The following CCN6 variants were observed in gnomAD, a reference collection of about 807,000 sequenced individuals.
CCN6 encodes CCN family member 6.
CCN6 carries 31 observed loss-of-function variants against 37.4 expected under a neutral mutation model. The ratio of observed to expected loss-of-function variants is 0.83; its 90% CI spans 0.62 to 1.12. CCN6 has a LOEUF of 1.12. CCN6 is among the 50% of genes most tolerant of loss of function. The pLI is 0.00. For synonymous variants in CCN6, 137 were observed against 142.1 expected (o/e 0.96, Z 0.26); for missense variants, 369 against 413.8 (o/e 0.89, Z 0.94).
At chr6:112,053,735 G>A (rs1776265419), upstream of CCN6, among the ~76,000 whole-genome samples, 1 of 152,052 alleles carries the variant, frequency 6.6e-6, no homozygotes, top group Non-Finnish European at 1.5e-5. Flanking sequence ...AAGGTGTTGG[G>A]ATAAAGGTGA....
chr6:112,068,262 G>A lies in CCN6; in HGVS notation c.647G>A (p.Trp216Ter), dbSNP rs1776759288. The A allele has an allele frequency of 6.2e-7, 1 of 1,610,610 alleles. No individual in the cohort carries two copies. Among genetic ancestry groups the A allele is most frequent in the South Asian group, 1.1e-5 (1 of 90,056 alleles). The change falls in exon 4 of 5, where the codon TGG (tryptophan) becomes TAG (stop). Residue 216 changes from tryptophan to a stop codon, truncating the protein, a stop_gained. Transcript: ENST00000368666. LOFTEE classifies it high-confidence loss of function. The part of the protein sequence containing the change: ...KKKCLVQATK[W>*]TPCSRTCGMG... ...AAATGTCTTGTGCAAGCAACAAAAT[G>A]GACTCCCTGCTCCAGAACATGTGGG...
Position 112,059,229 on chromosome 6 carries a change from T to C in CCN6, c.49-1762T>C, listed in dbSNP as rs199999822. On this transcript the variant is annotated intron_variant, in intron 1 of 4. Coordinates refer to ENST00000368666, the MANE Select transcript of CCN6 (RefSeq NM_198239.2). ...TAATTTGAGTCTCAGGGTCCTCATTTACAAAATGGAGTATACAGTTTCCTA... is the reference window on the plus strand; with the variant it reads ...TAATTTGAGTCTCAGGGTCCTCATTCACAAAATGGAGTATACAGTTTCCTA... Among the ~76,000 whole-genome samples, 14 of 152,326 alleles carry C rather than the reference T, an allele frequency of 9.2e-5. No homozygotes were observed. The East Asian group carries it at 1.9e-3, about 21-fold the overall frequency.
At chr6:112,052,863 G>A (rs1323898013), upstream of CCN6, among the ~76,000 whole-genome samples, 3 of 152,078 alleles carry the variant, frequency 2.0e-5, no homozygotes, top group African/African-American at 7.2e-5. Flanking sequence ...GCAGGTTTTA[G>A]GGTGTCCATG....
At chr6:112,061,337 A>AT (rs782025803) in intron 2 of CCN6, 49 bp downstream of exon 2, 79 of 1,608,850 alleles carry the variant, frequency 4.9e-5, no homozygotes, top group Middle Eastern at 1.7e-4. Flanking sequence ...TCTAGACAGA[A>AT]TTTTTTTTTC....
chr6:112,069,124 T>C (rs1489489519), intron 4 of CCN6, among the ~76,000 whole-genome samples: 2 of 152,098 alleles, frequency 1.3e-5, no homozygotes, highest in African/African-American at 2.4e-5. Flanking sequence ...GCAAAAAACA[T>C]TGAGGAGTAC....
At chr6:112,066,121 A>C (rs1554313925) in intron 3 of CCN6, among the ~76,000 whole-genome samples, 2 of 152,220 alleles carry the variant, frequency 1.3e-5, no homozygotes, top group African/African-American at 4.8e-5. Context: ...CTATGAAAGG[A>C]ACATCCTCAG....
At chr6:112,056,698 GT>G (rs1776357898) in intron 1 of CCN6, among the ~76,000 whole-genome samples, 1 of 152,122 alleles carries the variant, frequency 6.6e-6, no homozygotes, top group African/African-American at 2.4e-5. Flanking sequence ...TGTATTTTTA[GT>G]AGAGATGGGG....
At chr6:112,058,658 C>T (rs1419105886) in intron 1 of CCN6, among the ~76,000 whole-genome samples, 7 of 152,216 alleles carry the variant, frequency 4.6e-5, no homozygotes, top group Non-Finnish European at 8.8e-5. Context: ...GGAGCTGGGT[C>T]TGGGCAGAAT....
In CCN6 at chr6:112,064,803, G is replaced by A. The variant is rs1554313566; in HGVS notation, c.395G>A (p.Gly132Asp). The A allele has an allele frequency of 1.2e-6, 2 of 1,613,974 alleles. No homozygotes were observed. The highest frequency in any genetic ancestry group is 2.2e-5 in the South Asian group (2 of 91,080). ...CEFNQVHYHN[G>D]QVFQPNPLFS... The stretch of plus-strand genomic sequence containing the variant: ...TTCAACCAGGTACATTATCATAATG[G>A]CCAAGTGTTTCAGCCCAACCCCTTG... The change falls in exon 3 of 5, where the codon GGC (glycine) becomes GAC (aspartate). Residue 132 changes from glycine (G) to aspartate (D), a missense_variant. Gly to Asp is a moderately conservative substitution (Grantham distance 94, BLOSUM62 -1). Coordinates refer to ENST00000368666, the MANE Select transcript of CCN6 (RefSeq NM_198239.2).
intron 1 of CCN6, among the ~76,000 whole-genome samples, chr6:112,059,388 G>A (rs919242113): frequency 6.6e-6 from 1 of 152,144 alleles, no homozygotes; most frequent in Non-Finnish European, 1.5e-5. Flanking sequence ...CCCTTCTGGA[G>A]GTGGCAGGGG....
Position 112,061,157 on chromosome 6 carries a change from G to A in CCN6, c.215G>A (p.Cys72Tyr), listed in dbSNP as rs782120511. The change falls in exon 2 of 5, where the codon TGT (cysteine) becomes TAT (tyrosine). Residue 72 changes from cysteine (C) to tyrosine (Y), a missense_variant. Transcript: ENST00000368666. ...PPGVSLVRDGCGCCKICAKQP... is the reference protein window; with the variant it reads ...PPGVSLVRDGYGCCKICAKQP... ...GGAGTGAGCCTGGTGAGAGATGGCT[G>A]TGGATGCTGTAAAATCTGTGCCAAG... 6.2e-7 allele frequency: 1 copy of A among 1,614,186 alleles called. No individual in the cohort carries two copies. The highest frequency in any genetic ancestry group is 1.1e-5 in the South Asian group (1 of 91,084).
At chr6:112,061,507 G>A in intron 2 of CCN6, 1 of 602,112 alleles carries the variant, frequency 1.7e-6, no homozygotes, top group South Asian at 2.1e-5. Context: ...TTGCACTGAG[G>A]TGATTTTGCA....
intron 1 of CCN6, chr6:112,060,092 G>T: frequency 7.3e-7 from 1 of 1,363,436 alleles, no homozygotes; most frequent in Non-Finnish European, 9.8e-7. Context: ...GCAGCAAGGG[G>T]GTGAGTGGCA....
rs781800508 is a variant in CCN6, at chr6:112,068,289, T to C, written c.674T>C (p.Met225Thr). The C allele has an allele frequency of 6.2e-7, 1 of 1,613,006 alleles. No homozygotes were observed. The highest frequency in any genetic ancestry group is 8.5e-7 in the Non-Finnish European group (1 of 1,179,592). The change falls in exon 4 of 5, where the codon ATG becomes ACG. Residue 225 changes from methionine (M) to threonine (T), a missense_variant. Transcript: ENST00000368666. ...ACTCCCTGCTCCAGAACATGTGGGA[T>C]GGGAATATCTAACAGGGTGACCAAT... The part of the protein sequence containing the change: ...KWTPCSRTCG[M>T]GISNRVTNEN...
intron 1 of CCN6, among the ~76,000 whole-genome samples, chr6:112,056,783 C>A (rs1015850323): frequency 1.3e-5 from 2 of 152,160 alleles, no homozygotes; most frequent in Non-Finnish European, 2.9e-5. Flanking sequence ...TCCCAAAGTG[C>A]TGGGATTACA....
upstream of CCN6, among the ~76,000 whole-genome samples, chr6:112,052,929 C>T (rs1167350616): frequency 6.6e-6 from 1 of 152,200 alleles, no homozygotes; most frequent in African/African-American, 2.4e-5. Context: ...TTTTCCCAGG[C>T]CCTCAGCTCA....
intron 3 of CCN6, chr6:112,066,929 C>A: frequency 1.5e-6 from 2 of 1,351,244 alleles, no homozygotes; most frequent in Non-Finnish European, 2.0e-6. Context: ...AGTGGGATTA[C>A]TGGTAACACG....
intron 1 of CCN6, among the ~76,000 whole-genome samples, chr6:112,055,134 G>A (rs1776308797): frequency 6.6e-6 from 1 of 152,234 alleles, no homozygotes; most frequent in Non-Finnish European, 1.5e-5. Flanking sequence ...AAACATGGGT[G>A]TGTCTGTGAG....
intron 1 of CCN6, among the ~76,000 whole-genome samples, chr6:112,060,641 T>G (rs1554312596): frequency 6.6e-6 from 1 of 151,898 alleles, no homozygotes; most frequent in Non-Finnish European, 1.5e-5. Flanking sequence ...GGGGTATGAG[T>G]TGGAGATAAG....
Sources: allele counts gnomAD v4.1 joint callset (sites outside exome capture counted in the v4.1 genomes callset), GRCh38; gene constraint gnomAD v4.1.1; transcripts MANE v1.5; gene names NCBI Gene and HGNC (gene_info 2026-07-23, HGNC 2026-07-21).